Variants in THADA observed in about 807,000 individuals in gnomAD.
The protein encoded by THADA is THADA armadillo repeat containing.
A neutral mutation model predicts 219.8 loss-of-function variants in THADA; 213 were observed. That is an observed-to-expected ratio of 0.97 (90% CI 0.87 to 1.09). The LOEUF (loss-of-function observed/expected upper bound fraction) is 1.09, where lower values mean the gene tolerates loss of function less well. THADA is among the 50% of genes least tolerant of loss of function. The pLI is 0.00. For synonymous variants in THADA, 1,018 were observed against 828.9 expected, an observed-to-expected ratio of 1.23 and a Z score of -3.92; for missense variants, 2,956 against 2,311.3, an observed-to-expected ratio of 1.28 and a Z score of -5.72.
intron 22 of THADA, among the ~76,000 whole-genome samples, chr2:43,509,075 T>A (rs899101017): frequency 1.3e-5 from 2 of 152,216 alleles, no homozygotes; most frequent in African/African-American, 4.8e-5. Context: ...TTGATCATGG[T>A]CTCACAGATA....
At position 43,291,769 on chromosome 2, in the gene THADA, C is replaced by A; in HGVS notation, c.4938-1G>T. ...CAGAGCTACACTCTGAATTTCAGAT[C>A]TAGAAAAATAAACAAACAAAAAAAC... On this transcript the variant is annotated splice_acceptor_variant, in intron 33 of 37. Coordinates refer to ENST00000405975, the MANE Select transcript of THADA (RefSeq NM_022065.5). LOFTEE classifies it high-confidence loss of function. The A allele has an allele frequency of 1.3e-6, 2 of 1,542,814 alleles. No individual in the cohort carries two copies. Among genetic ancestry groups the A allele is most frequent in the South Asian group, 2.4e-5 (2 of 82,008 alleles).
intron 26 of THADA, among the ~76,000 whole-genome samples, chr2:43,460,363 T>C (rs1438861815): frequency 2.0e-5 from 3 of 149,244 alleles, no homozygotes; most frequent in Non-Finnish European, 4.4e-5. Context: ...GTGAAACTGC[T>C]CCAGACTGTG....
chr2:43,422,083 T>C (rs1480698160), intron 28 of THADA, among the ~76,000 whole-genome samples: 1 of 152,224 alleles, frequency 6.6e-6, no homozygotes, highest in Non-Finnish European at 1.5e-5. Context: ...GCGCTGCAGA[T>C]ATATGCTCAA....
intron 30 of THADA, among the ~76,000 whole-genome samples, chr2:43,335,082 G>C (rs1666252011): frequency 6.6e-6 from 1 of 152,144 alleles, no homozygotes; most frequent in Non-Finnish European, 1.5e-5. Flanking sequence ...GCTCTTCAAG[G>C]TACGTACTCT....
intron 25 of THADA, chr2:43,486,480 A>C (rs1016751717): frequency 1.3e-5 from 2 of 152,212 alleles, no homozygotes; most frequent in Admixed American, 1.3e-4. Context: ...CATGGATAAG[A>C]TCCAGAAACA....
rs865872232 is a variant in THADA at position 43,400,457 on chromosome 2, T to A, written c.4059-2318A>T. ...TGGAAAGATTAGATCATAGACAAAT[T>A]TATATATATATATATATATAAATAT... On this transcript the variant is annotated intron_variant, in intron 28 of 37. Transcript: ENST00000405975. Among the ~76,000 whole-genome samples, 3 of 89,902 alleles carry A rather than the reference T, an allele frequency of 3.3e-5. No individual in the cohort carries two copies. In the South Asian group the frequency reaches 1.2e-3, roughly 37 times the overall value. The allele number at this position is 89,902 out of a possible 152,430, so 59.0% of individuals were successfully genotyped here. A position where few individuals can be genotyped will look rare whatever the true frequency, so the allele number is the denominator to read the frequency against.
chr2:43,560,524 A>C, intron 15 of THADA, 139 bp from the exon 16 acceptor site: 1 of 487,152 alleles, frequency 2.1e-6, no homozygotes, highest in East Asian at 3.4e-5. Flanking sequence ...TAAAACAGTA[A>C]CTTTTCCATT....
chr2:43,291,589 T>C, intron 34 of THADA, 107 bp downstream of exon 34: 4 of 647,130 alleles, frequency 6.2e-6, no homozygotes, highest in Non-Finnish European at 9.6e-6. Context: ...TACATACACA[T>C]ATCACAGGGG....
chr2:43,323,660 T>C (rs1273554434), intron 30 of THADA, among the ~76,000 whole-genome samples: 1 of 152,172 alleles, frequency 6.6e-6, no homozygotes, highest in African/African-American at 2.4e-5. Context: ...GACCTGAGAA[T>C]TTTGACTAGT....
At chr2:43,542,271 A>G (rs1695427252) in intron 20 of THADA, among the ~76,000 whole-genome samples, 1 of 152,218 alleles carries the variant, frequency 6.6e-6, no homozygotes, top group South Asian at 2.1e-4. Flanking sequence ...TAAAATAAGT[A>G]CAAAATAATA....
Position 43,320,467 on chromosome 2 carries a change from A to C in THADA, c.4417T>G (p.Ser1473Ala). The change falls in exon 31 of 38, where the codon TCT (serine) becomes GCT (alanine). Residue 1473 changes from serine (S) to alanine (A), a missense_variant. By Grantham distance (99) the Ser-to-Ala change is moderately conservative (BLOSUM62 1). Coordinates refer to ENST00000405975, the MANE Select transcript of THADA (RefSeq NM_022065.5). ...ATACCTGGCTGGTTGTCCTTTGCAG[A>C]TCTGTTGAGGCAGCAAGTCAATAGG... ...LFLLTCCLNR[S>A]AKDNQPVLES... 1 of 1,613,380 alleles carries C rather than the reference A, an allele frequency of 6.2e-7. No homozygotes were observed. The highest frequency in any genetic ancestry group is 1.1e-5 in the South Asian group (1 of 90,984).
In THADA at chr2:43,291,702, A is replaced by G. The variant is rs1297881129; in HGVS notation, c.5004T>C (p.Cys1668=). ...AGATCAGAACCAGCCTTACCTCCAC[A>G]CATGTCTGCATGTGGTGGGAAATGA... ...SKVISHHMQT[C]VENRELIAAE... is the part of the protein sequence containing the mutation. Residue 1668 remains cysteine, a synonymous_variant, in exon 34 of 38, where the codon TGT becomes TGC. Coordinates refer to ENST00000405975, the MANE Select transcript of THADA (RefSeq NM_022065.5). 3 of 1,554,260 alleles carry G rather than the reference A, an allele frequency of 1.9e-6. No individual in the cohort carries two copies. The highest frequency in any genetic ancestry group is 1.7e-6 in the Non-Finnish European group (2 of 1,147,124).
intron 7 of THADA, among the ~76,000 whole-genome samples, chr2:43,582,953 T>C (rs747694070): frequency 6.6e-6 from 1 of 152,144 alleles, no homozygotes; most frequent in Non-Finnish European, 1.5e-5. Context: ...CACTAATTCA[T>C]CCTCTTCTCC....
chr2:43,363,504 A>G lies in THADA; in HGVS notation c.4228-19267T>C, dbSNP rs374723218. On this transcript the variant is annotated intron_variant, in intron 29 of 37. Coordinates refer to ENST00000405975, the MANE Select transcript of THADA (RefSeq NM_022065.5). ...CTCCATAACAGGGAGTTTCCTGGCT[A>G]TCATGAAAACTTTGTTTATTCAAAA... Among the ~76,000 whole-genome samples the G allele has an allele frequency of 3.3e-5, 5 of 152,326 alleles. No homozygotes were observed. The East Asian group carries it at 9.6e-4, about 29-fold the overall frequency.
intron 29 of THADA, among the ~76,000 whole-genome samples, chr2:43,347,845 C>T (rs993204218): frequency 1.3e-5 from 2 of 152,142 alleles, no homozygotes; most frequent in Non-Finnish European, 2.9e-5. Context: ...AGAAAGGAGT[C>T]GGGTCTAGTC....
intron 30 of THADA, among the ~76,000 whole-genome samples, chr2:43,326,165 CAAAAAAAAA>C (rs57917515): frequency 9.0e-6 from 1 of 111,114 alleles, no homozygotes; most frequent in African/African-American, 3.1e-5. Flanking sequence ...CAATGTCTGT[CAAAAAAAAA>C]AAAAAAAAAA....
intron 20 of THADA, among the ~76,000 whole-genome samples, chr2:43,541,836 A>C (rs1342709761): frequency 1.3e-5 from 2 of 152,186 alleles, no homozygotes; most frequent in Non-Finnish European, 2.9e-5. Context: ...TTTAAAATAA[A>C]ACACAATATT....
chr2:43,474,607 T>A (rs1367678648), intron 26 of THADA, among the ~76,000 whole-genome samples: 1 of 152,132 alleles, frequency 6.6e-6, no homozygotes, highest in Non-Finnish European at 1.5e-5. Flanking sequence ...AGGACACTAA[T>A]CATAGAAAAT....
intron 29 of THADA, among the ~76,000 whole-genome samples, chr2:43,379,418 A>T (rs1671746023): frequency 6.6e-6 from 1 of 152,214 alleles, no homozygotes; most frequent in African/African-American, 2.4e-5. Context: ...GTTCAATGAC[A>T]TCAGGAATCA....
Sources: gnomAD v4.1 joint callset for allele counts (sites outside exome capture counted in the v4.1 genomes callset) on GRCh38, gnomAD v4.1.1 for gene constraint, MANE v1.5 for transcripts, NCBI Gene and HGNC (gene_info 2026-07-23, HGNC 2026-07-21) for gene names.